FSIP2: variants seen among roughly 807,000 people sequenced by gnomAD.
The protein encoded by FSIP2 is fibrous sheath-interacting protein 2.
In FSIP2, 367 loss-of-function variants were observed where a neutral mutation model predicts 510.5. The observed-to-expected ratio is 0.72, with a 90% CI of 0.66 to 0.78. The LOEUF is 0.78. FSIP2 is among the 30% of genes least tolerant of loss of function. The probability of loss-of-function intolerance (pLI) is 0.00; values close to 1 mark genes in which losing one functional copy is unlikely to be tolerated. For synonymous variants in FSIP2, 2,601 were observed against 2,732.2 expected (o/e 0.95, Z 1.50); for missense variants, 7,594 against 7,901.7 (o/e 0.96, Z 1.48).
In FSIP2 at chr2:185,793,010, C is replaced by A. The variant is rs776340888; in HGVS notation, c.5874C>A (p.His1958Gln). The A allele has an allele frequency of 3.7e-5, 57 of 1,534,164 alleles. No individual in the cohort carries two copies. The highest frequency in any genetic ancestry group is 1.7e-4 in the Middle Eastern group (1 of 6,006). Residue 1958 changes from histidine (H) to glutamine (Q), a missense_variant, in exon 16 of 23, where the codon CAC becomes CAA. Transcript: ENST00000424728. ...VPVALPIQQD[H>Q]STLSKALSAK... ...TGGCTTTACCTATTCAGCAAGATCACAGTACATTGAGCAAAGCATTATCAG... is the reference window on the plus strand; with the variant it reads ...TGGCTTTACCTATTCAGCAAGATCAAAGTACATTGAGCAAAGCATTATCAG...
intron 13 of FSIP2, among the ~76,000 whole-genome samples, chr2:185,779,541 T>C (rs1990841): frequency 0.34 from 52,094 of 152,010 alleles, 9,182 homozygotes; most frequent in Middle Eastern, 0.43. Context: ...CTTCTAGTTA[T>C]GTTGAAGTAT....
At chr2:185,751,120 C>T (rs1027057858) in intron 7 of FSIP2, among the ~76,000 whole-genome samples, 1 of 151,306 alleles carries the variant, frequency 6.6e-6, no homozygotes, top group Admixed American at 6.6e-5. Context: ...TAGAATTGTT[C>T]AAATCCAAGT....
chr2:185,793,195 A>G lies in FSIP2; in HGVS notation c.6059A>G (p.Lys2020Arg). 1 of 1,533,886 alleles carries G rather than the reference A, an allele frequency of 6.5e-7. No individual in the cohort carries two copies. The highest frequency in any genetic ancestry group is 1.2e-5 in the South Asian group (1 of 83,856). ...CAAGGAATCAAACAGGAATTAGATA[A>G]AGAAAGGGAAAATCCTTTTTTAACT... is the stretch of plus-strand genomic sequence containing the variant. ...NLQGIKQELD[K>R]ERENPFLTHD... Residue 2020 changes from lysine to arginine, a missense_variant, in exon 16 of 23, where the codon AAA (lysine) becomes AGA (arginine). Transcript: ENST00000424728.
rs112102149 is a variant in FSIP2, at chr2:185,825,936, G to A, written c.20473+1456G>A. Among the ~76,000 whole-genome samples, 69 of 151,884 alleles carry A rather than the reference G, an allele frequency of 4.5e-4. 2 individuals are homozygous for A. The highest frequency in any genetic ancestry group is 1.7e-3 in the African/African-American group (69 of 41,512). Reference sequence around the variant, plus strand: ...TGATGTTTTGGTCAATGATGGACCAGTATAAAATAGTGGTCCCATATGATT... The same window carrying A: ...TGATGTTTTGGTCAATGATGGACCAATATAAAATAGTGGTCCCATATGATT... On this transcript the variant is annotated intron_variant, in intron 20 of 22. Coordinates refer to ENST00000424728, the MANE Select transcript of FSIP2 (RefSeq NM_173651.4).
At chr2:185,797,943 G>A (rs1340349179) in intron 16 of FSIP2, among the ~76,000 whole-genome samples, 5 of 151,850 alleles carry the variant, frequency 3.3e-5, no homozygotes, top group Admixed American at 6.6e-5. Flanking sequence ...CTTCTTTCTC[G>A]GCCCCTCAAA....
In FSIP2 at chr2:185,791,363, G is replaced by A; in HGVS notation, c.4227G>A (p.Leu1409=). The A allele has an allele frequency of 6.5e-7, 1 of 1,533,922 alleles. No individual in the cohort carries two copies. The highest frequency in any genetic ancestry group is 8.7e-7 in the Non-Finnish European group (1 of 1,145,404). Residue 1409 remains leucine (L), a synonymous_variant, in exon 16 of 23, where the codon TTG becomes TTA. Coordinates refer to ENST00000424728, the MANE Select transcript of FSIP2 (RefSeq NM_173651.4). ...ATAAAAAATCTTTTCACAAATATTT[G>A]GCTACTCCTTGTACTCACCACAGTG... The part of the protein sequence containing the change: ...RQDKKSFHKY[L]ATPCTHHSVN...
intron 13 of FSIP2, among the ~76,000 whole-genome samples, chr2:185,772,271 C>G (rs1209153312): frequency 6.6e-6 from 1 of 152,184 alleles, no homozygotes; most frequent in Admixed American, 6.5e-5. Flanking sequence ...TTACCCATTT[C>G]CAAAGCTGCC....
intron 7 of FSIP2, among the ~76,000 whole-genome samples, chr2:185,752,076 T>C (rs1453508328): frequency 2.0e-5 from 3 of 151,304 alleles, no homozygotes. Flanking sequence ...CATTTTTTTT[T>C]CTGTCTGAAG....
In FSIP2 at chr2:185,790,664, C is replaced by T. The variant is rs1340447706; in HGVS notation, c.3528C>T (p.Asn1176=). ...VAQEITDSVL[N]ILHKASNYIS... ...AAGAAATAACAGATTCTGTGTTAAA[C>T]ATACTTCATAAGGCATCAAACTACA... Residue 1176 remains asparagine (N), a synonymous_variant, in exon 16 of 23, where the codon AAC becomes AAT. Transcript: ENST00000424728. The T allele has an allele frequency of 9.8e-6, 15 of 1,533,762 alleles. No homozygotes were observed. The highest frequency in any genetic ancestry group is 1.2e-5 in the Non-Finnish European group (14 of 1,145,296).
At chr2:185,776,581 A>T (rs1471370642) in intron 13 of FSIP2, among the ~76,000 whole-genome samples, 1 of 152,146 alleles carries the variant, frequency 6.6e-6, no homozygotes, top group Non-Finnish European at 1.5e-5. Context: ...TTTTTAATTT[A>T]TTTGAATTAG....
rs765895311 is a variant in FSIP2, at chr2:185,809,150, T to C, written c.19827+17T>C. On this transcript the variant is annotated intron_variant, in intron 17 of 22. Transcript: ENST00000424728. ...CCCCTAGAGGTAAGTGCAAAAGCAA[T>C]GGCATGAAAATGAGTGAATAGTGAG... The C allele has an allele frequency of 3.3e-6, 5 of 1,524,690 alleles. No homozygotes were observed. The highest frequency in any genetic ancestry group is 4.7e-5 in the Admixed American group (2 of 42,480). The allele number at this position is 1,524,690 out of a possible 1,614,324, so 94.4% of individuals were successfully genotyped here.
upstream of FSIP2, chr2:185,738,564 A>T (rs1340639595): frequency 6.6e-7 from 1 of 1,514,580 alleles, no homozygotes; most frequent in East Asian, 2.5e-5. Context: ...TTAACCAGTT[A>T]CCCACCAACA....
At chr2:185,809,626 A>T (rs1362261208) in intron 17 of FSIP2, among the ~76,000 whole-genome samples, 1 of 152,088 alleles carries the variant, frequency 6.6e-6, no homozygotes, top group Middle Eastern at 3.2e-3. Context: ...AACACTCATC[A>T]GCAAACGTTG....
intron 17 of FSIP2, among the ~76,000 whole-genome samples, chr2:185,809,931 G>A (rs1252700944): frequency 6.6e-6 from 1 of 151,944 alleles, no homozygotes; most frequent in Non-Finnish European, 1.5e-5. Context: ...GATTTGTCTC[G>A]CCAACAGATA....
At chr2:185,782,416 G>C (rs1000429407) in intron 13 of FSIP2, among the ~76,000 whole-genome samples, 1 of 152,158 alleles carries the variant, frequency 6.6e-6, no homozygotes, top group Non-Finnish European at 1.5e-5. Context: ...CCACAGTCCA[G>C]AGAAGCATGA....
rs150924698 is a variant in FSIP2, at chr2:185,764,604, C to A, written c.1411+39C>A. ...GTAATTATTGAGTAAATCTTGCATT[C>A]TATTTATTCTTTCAACTGACATTTA... is the stretch of plus-strand genomic sequence containing the variant. On this transcript the variant is annotated intron_variant, in intron 13 of 22. Transcript: ENST00000424728. The A allele has an allele frequency of 1.7e-3, 2,216 of 1,302,248 alleles. 11 individuals are homozygous for A. Among genetic ancestry groups the A allele is most frequent in the Middle Eastern group, 8.8e-3 (48 of 5,478 alleles). The allele number at this position is 1,302,248 out of a possible 1,614,324, so 80.7% of individuals were successfully genotyped here.
rs544674453 is a variant in FSIP2, at chr2:185,816,700, T to TAA, written c.20426+1230_20426+1231dup. On this transcript the variant is annotated intron_variant, in intron 19 of 22. Coordinates refer to ENST00000424728, the MANE Select transcript of FSIP2 (RefSeq NM_173651.4). ...TAAAATAAAATAAAATAAAATAAAATAATAAAAAATTAGCTGGAATGGTCA... is the reference window on the plus strand; with the variant it reads ...TAAAATAAAATAAAATAAAATAAAATAAAATAAAAAATTAGCTGGAATGGTCA... Among the ~76,000 whole-genome samples the TAA allele has an allele frequency of 7.7e-3, 1,165 of 151,496 alleles. 8 individuals carry two copies. Among genetic ancestry groups the TAA allele is most frequent in the Non-Finnish European group, 0.011 (764 of 67,816 alleles).
At chr2:185,750,420 C>A (rs1417681362) in intron 7 of FSIP2, among the ~76,000 whole-genome samples, 4 of 151,364 alleles carry the variant, frequency 2.6e-5, no homozygotes, top group African/African-American at 9.7e-5. Context: ...TTATAACATT[C>A]CTTTGTTATC....
At chr2:185,746,904 T>A in intron 6 of FSIP2, 94 bp downstream of exon 6, 1 of 825,562 alleles carries the variant, frequency 1.2e-6, no homozygotes, top group Non-Finnish European at 1.8e-6. Context: ...CTGCTTGAAG[T>A]CATTTCAGTT....
Sources: gnomAD v4.1 joint callset for allele counts (sites outside exome capture counted in the v4.1 genomes callset) on GRCh38, gnomAD v4.1.1 for gene constraint, MANE v1.5 for transcripts, NCBI Gene and HGNC (gene_info 2026-07-23, HGNC 2026-07-21) for gene names.